CNTN5: variants seen among roughly 807,000 people sequenced by gnomAD.
CNTN5 encodes the protein contactin 5.
CNTN5 carries 77 observed loss-of-function variants against 129.1 expected under a neutral mutation model. The observed-to-expected ratio is 0.60, with a 90% CI of 0.50 to 0.72. CNTN5 has a LOEUF of 0.72. Among genes scored for constraint, CNTN5 ranks in the 30% least tolerant of loss-of-function variants. The pLI is 0.00. For missense variants in CNTN5, 1,478 were observed against 1,328.8 expected (o/e 1.11, Z -1.75); for synonymous variants, 509 against 465.6 (o/e 1.09, Z -1.20).
chr11:100,228,925 G>A lies in CNTN5; in HGVS notation c.2005+4113G>A, dbSNP rs370108107. ...TAATCTGTGAAGAACAATGCCAAAT[G>A]GAAACACAGGACCCCTTGTTCAAAA... On this transcript the variant is annotated intron_variant, in intron 16 of 24. Coordinates refer to ENST00000524871, the MANE Select transcript of CNTN5 (RefSeq NM_014361.4). 4.6e-5 allele frequency among the ~76,000 whole-genome samples: 7 copies of A among 152,212 alleles called. No individual in the cohort carries two copies. The South Asian group carries it at 1.2e-3, about 27-fold the overall frequency.
At chr11:99,216,989 C>A (rs1311270485) in intron 1 of CNTN5, among the ~76,000 whole-genome samples, 1 of 152,116 alleles carries the variant, frequency 6.6e-6, no homozygotes, top group African/African-American at 2.4e-5. Flanking sequence ...TCGAGACCAT[C>A]CTGACCAACA....
chr11:99,783,142 AT>A (rs1227449909), intron 3 of CNTN5, among the ~76,000 whole-genome samples: 19 of 69,922 alleles, frequency 2.7e-4, no homozygotes, highest in Admixed American at 5.7e-4. Context: ...AAACAACCCC[AT>A]CAAAAAGTGG....
chr11:99,041,073 A>G (rs1008512238), intron 1 of CNTN5, among the ~76,000 whole-genome samples: 2 of 152,120 alleles, frequency 1.3e-5, no homozygotes, highest in East Asian at 3.9e-4. Context: ...CATTTGTTCA[A>G]TGAGAACACA....
At chr11:99,423,353 A>G (rs1337691396) in intron 2 of CNTN5, among the ~76,000 whole-genome samples, 2 of 152,212 alleles carry the variant, frequency 1.3e-5, no homozygotes, top group African/African-American at 4.8e-5. Context: ...ACTGAGAGAT[A>G]GGAACCTTAT....
chr11:99,196,157 T>TA (rs1213626487), intron 1 of CNTN5, among the ~76,000 whole-genome samples: 5,036 of 145,584 alleles, frequency 0.035, 207 homozygotes, highest in African/African-American at 0.1. Context: ...TGACTTACAG[T>TA]AAAAAAAAAA....
chr11:100,006,664 A>C (rs917953332), intron 9 of CNTN5, among the ~76,000 whole-genome samples: 1 of 152,044 alleles, frequency 6.6e-6, no homozygotes, highest in Non-Finnish European at 1.5e-5. Flanking sequence ...TACTTTCCCC[A>C]CTAAAGTTTT....
chr11:99,666,445 G>C (rs566712451), intron 3 of CNTN5, among the ~76,000 whole-genome samples: 3 of 152,228 alleles, frequency 2.0e-5, no homozygotes, highest in African/African-American at 7.2e-5. Flanking sequence ...TTTGGATCCT[G>C]AGCTGTACAT....
chr11:99,817,966 T>C (rs1946648476), intron 3 of CNTN5, among the ~76,000 whole-genome samples: 1 of 152,132 alleles, frequency 6.6e-6, no homozygotes, highest in African/African-American at 2.4e-5. Context: ...CATGCTCATT[T>C]TAAGTGTGGA....
intron 4 of CNTN5, among the ~76,000 whole-genome samples, chr11:99,823,079 G>A (rs549936242): frequency 1.3e-5 from 2 of 152,162 alleles, no homozygotes; most frequent in Admixed American, 6.5e-5. Flanking sequence ...GAGTTTACAC[G>A]TGTATCCGTA....
intron 3 of CNTN5, among the ~76,000 whole-genome samples, chr11:99,590,254 A>G (rs558772814): frequency 2.6e-5 from 4 of 152,226 alleles, no homozygotes; most frequent in Admixed American, 2.0e-4. Context: ...ACCATTGATA[A>G]TAATAAAAAT....
At chr11:99,115,210 G>A (rs998059681) in intron 1 of CNTN5, among the ~76,000 whole-genome samples, 1 of 152,132 alleles carries the variant, frequency 6.6e-6, no homozygotes, top group Non-Finnish European at 1.5e-5. Context: ...AAAGACCGGG[G>A]CTAGGTTCTG....
chr11:99,575,500 A>G (rs950645536), intron 3 of CNTN5, among the ~76,000 whole-genome samples: 1 of 152,228 alleles, frequency 6.6e-6, no homozygotes, highest in East Asian at 1.9e-4. Flanking sequence ...TGTTAAGAAC[A>G]TGCTAAAACA....
chr11:99,336,097 A>G (rs574150999), intron 2 of CNTN5, among the ~76,000 whole-genome samples: 31 of 152,258 alleles, frequency 2.0e-4, no homozygotes, highest in African/African-American at 7.5e-4. Flanking sequence ...TCGGAGGGGT[A>G]TGTTTGTACA....
chr11:99,727,510 C>G (rs1456708717), intron 3 of CNTN5, among the ~76,000 whole-genome samples: 1 of 151,770 alleles, frequency 6.6e-6, no homozygotes, highest in African/African-American at 2.4e-5. Flanking sequence ...ATTATCCCAT[C>G]CTTAATTGTT....
At chr11:99,311,378 T>C (rs1419106410) in intron 1 of CNTN5, among the ~76,000 whole-genome samples, 1 of 152,236 alleles carries the variant, frequency 6.6e-6, no homozygotes, top group East Asian at 1.9e-4. Context: ...ATTTGCTTTT[T>C]TTTAAGAATA....
chr11:99,293,278 C>A (rs886301089), intron 1 of CNTN5, among the ~76,000 whole-genome samples: 2 of 152,086 alleles, frequency 1.3e-5, no homozygotes, highest in Non-Finnish European at 2.9e-5. Flanking sequence ...TGGGATGAAT[C>A]CCAGTTGGTC....
chr11:99,583,060 C>G (rs1458542579), intron 3 of CNTN5, among the ~76,000 whole-genome samples: 4 of 152,232 alleles, frequency 2.6e-5, no homozygotes, highest in African/African-American at 9.6e-5. Flanking sequence ...CTCTCAGCTT[C>G]AGGTCTGTTG....
intron 16 of CNTN5, among the ~76,000 whole-genome samples, chr11:100,240,215 C>A (rs1195071060): frequency 1.3e-5 from 2 of 150,176 alleles, no homozygotes; most frequent in South Asian, 4.1e-4. Context: ...TACAAATTAT[C>A]AACACCCCGC....
At chr11:100,050,486 GA>G (rs1354670749) in intron 9 of CNTN5, among the ~76,000 whole-genome samples, 6 of 151,802 alleles carry the variant, frequency 4.0e-5, no homozygotes, top group Admixed American at 2.0e-4. Flanking sequence ...GGGGTGGGGA[GA>G]GGGGGGAGGG....
Sources: allele counts gnomAD v4.1 joint callset (sites outside exome capture counted in the v4.1 genomes callset), GRCh38; gene constraint gnomAD v4.1.1; transcripts MANE v1.5; gene names NCBI Gene and HGNC (gene_info 2026-07-23, HGNC 2026-07-21).